RBFOX1: variants seen among roughly 807,000 people sequenced by gnomAD.
The protein encoded by RBFOX1 is RNA binding protein fox-1 homolog 1.
RBFOX1 carries 8 observed loss-of-function variants against 57.7 expected under a neutral mutation model. The observed-to-expected ratio is 0.14, with a 90% CI of 0.08 to 0.25. The LOEUF (loss-of-function observed/expected upper bound fraction) is 0.25, where lower values mean the gene tolerates loss of function less well. Among genes scored for constraint, RBFOX1 ranks in the 10% least tolerant of loss-of-function variants. The probability of loss-of-function intolerance (pLI) is 1.00; values close to 1 mark genes in which losing one functional copy is unlikely to be tolerated. For missense variants in RBFOX1, 611 were observed against 548.5 expected (o/e 1.11, Z -1.14); for synonymous variants, 326 against 222.4 (o/e 1.47, Z -4.15).
rs147845403 is a variant in RBFOX1 at position 6,982,569 on chromosome 16, C to G, written c.-15-69488C>G. On this transcript the variant is annotated intron_variant, in intron 3 of 15. Transcript: ENST00000550418. ...TGATGGAATCTCCCTGTTAGTAGTT[C>G]CAAATCATAGTTACCATGAGTTGAA... Among the ~76,000 whole-genome samples the G allele has an allele frequency of 2.5e-3, 377 of 152,290 alleles. 1 individual carries two copies. Among genetic ancestry groups the G allele is most frequent in the Non-Finnish European group, 3.8e-3 (259 of 68,028 alleles).
intron 14 of RBFOX1, among the ~76,000 whole-genome samples, chr16:7,688,379 A>C (rs1344130896): frequency 6.6e-6 from 1 of 152,008 alleles, no homozygotes; most frequent in Non-Finnish European, 1.5e-5. Flanking sequence ...CAGAATTAAG[A>C]AGCCAAATAA....
chr16:5,890,322 C>G (rs1479177837), intron 4 of RBFOX1, among the ~76,000 whole-genome samples: 1 of 152,200 alleles, frequency 6.6e-6, no homozygotes, highest in Admixed American at 6.5e-5. Flanking sequence ...ACCCTCCCCA[C>G]CACGTAGTGA....
At chr16:7,079,342 A>G (rs1023263856) in intron 4 of RBFOX1, among the ~76,000 whole-genome samples, 3 of 152,126 alleles carry the variant, frequency 2.0e-5, no homozygotes, top group Non-Finnish European at 4.4e-5. Context: ...TTCCTAAAAG[A>G]AGGGGAGCAG....
intron 4 of RBFOX1, among the ~76,000 whole-genome samples, chr16:7,420,294 C>A (rs565850502): frequency 6.6e-6 from 1 of 152,086 alleles, no homozygotes; most frequent in Non-Finnish European, 1.5e-5. Context: ...GCCCTTGCCT[C>A]CCAAACATGA....
intron 4 of RBFOX1, among the ~76,000 whole-genome samples, chr16:7,265,997 G>T (rs1163267599): frequency 7.8e-6 from 1 of 128,288 alleles, no homozygotes; most frequent in Non-Finnish European, 1.6e-5. Context: ...TTTTCTGAGA[G>T]GGAGTCTTGC....
chr16:6,960,170 C>A lies in RBFOX1; in HGVS notation c.-15-91887C>A, dbSNP rs118169364. On this transcript the variant is annotated intron_variant, in intron 3 of 15. Transcript: ENST00000550418. Reference sequence around the variant, plus strand: ...TTTTTGGGTTTCTAAAGGAACTCCCCACACCTCCATGATTTAGCAGGAGAC... The same window carrying A: ...TTTTTGGGTTTCTAAAGGAACTCCCAACACCTCCATGATTTAGCAGGAGAC... Among the ~76,000 whole-genome samples, 203 of 152,190 alleles carry A rather than the reference C, an allele frequency of 1.3e-3. 4 individuals carry two copies. The East Asian group carries it at 0.034, about 25-fold the overall frequency.
chr16:7,657,007 C>G (rs758793094), intron 12 of RBFOX1, among the ~76,000 whole-genome samples: 5 of 152,146 alleles, frequency 3.3e-5, no homozygotes, highest in Non-Finnish European at 5.9e-5. Flanking sequence ...ACCTAACAAA[C>G]TACATTTAAG....
intron 1 of RBFOX1, among the ~76,000 whole-genome samples, chr16:6,045,866 A>G (rs2095490037): frequency 6.6e-6 from 1 of 152,194 alleles, no homozygotes; most frequent in African/African-American, 2.4e-5. Flanking sequence ...ACAAAACCCC[A>G]GGGAAAGACC....
At chr16:6,858,616 C>G (rs556394899) in intron 3 of RBFOX1, among the ~76,000 whole-genome samples, 2 of 152,078 alleles carry the variant, frequency 1.3e-5, no homozygotes, top group East Asian at 3.9e-4. Context: ...ATGTGAGACT[C>G]AGACGATTTC....
At chr16:6,506,858 G>T (rs147956042) in intron 2 of RBFOX1, among the ~76,000 whole-genome samples, 1 of 152,060 alleles carries the variant, frequency 6.6e-6, no homozygotes, top group Non-Finnish European at 1.5e-5. Context: ...ATGTTGGCCA[G>T]GCTGGTCTCA....
At chr16:7,023,240 G>C (rs2039840318) in intron 3 of RBFOX1, among the ~76,000 whole-genome samples, 1 of 151,962 alleles carries the variant, frequency 6.6e-6, no homozygotes, top group Non-Finnish European at 1.5e-5. Flanking sequence ...ACTTTGGGAG[G>C]CCAAGGCGGG....
intron 3 of RBFOX1, among the ~76,000 whole-genome samples, chr16:6,660,683 T>A (rs1448369564): frequency 6.6e-6 from 1 of 152,218 alleles, no homozygotes; most frequent in African/African-American, 2.4e-5. Context: ...AATATTGGCT[T>A]GAGAAATTCA....
intron 1 of RBFOX1, among the ~76,000 whole-genome samples, chr16:6,245,095 C>T (rs573352945): frequency 6.6e-6 from 1 of 152,246 alleles, no homozygotes; most frequent in South Asian, 2.1e-4. Flanking sequence ...CCCTGGGATG[C>T]AGAACATTGC....
chr16:7,626,745 C>T (rs909052875), intron 10 of RBFOX1, among the ~76,000 whole-genome samples: 1 of 151,964 alleles, frequency 6.6e-6, no homozygotes. Flanking sequence ...AATTTCCTGC[C>T]ATGAACAGGC....
At chr16:7,363,847 G>T (rs1267660505) in intron 4 of RBFOX1, among the ~76,000 whole-genome samples, 1 of 152,124 alleles carries the variant, frequency 6.6e-6, no homozygotes, top group Non-Finnish European at 1.5e-5. Flanking sequence ...TTATTATCTG[G>T]GTGGAGGGGG....
chr16:5,390,253 A>C (rs1021732876), intron 1 of RBFOX1, among the ~76,000 whole-genome samples: 7 of 151,354 alleles, frequency 4.6e-5, no homozygotes, highest in Middle Eastern at 6.9e-3. Context: ...ATGTATGTAA[A>C]ATATAGTATG....
chr16:5,692,878 A>T (rs1260711057), intron 3 of RBFOX1, among the ~76,000 whole-genome samples: 8 of 152,358 alleles, frequency 5.3e-5, no homozygotes, highest in African/African-American at 1.9e-4. Flanking sequence ...ACAAAGAGGT[A>T]TCAAAGGTGA....
intron 3 of RBFOX1, among the ~76,000 whole-genome samples, chr16:6,941,464 C>A (rs1365436151): frequency 6.6e-6 from 1 of 151,864 alleles, no homozygotes; most frequent in Non-Finnish European, 1.5e-5. Context: ...CTCTAACATA[C>A]TGTAAAAGTG....
intron 1 of RBFOX1, among the ~76,000 whole-genome samples, chr16:5,425,637 A>G (rs2067536604): frequency 6.6e-6 from 1 of 152,178 alleles, no homozygotes; most frequent in East Asian, 1.9e-4. Flanking sequence ...GAATACGGGA[A>G]ATAAGTCTGG....
Sources: allele counts gnomAD v4.1 joint callset (sites outside exome capture counted in the v4.1 genomes callset), GRCh38; gene constraint gnomAD v4.1.1; transcripts MANE v1.5; gene names NCBI Gene and HGNC (gene_info 2026-07-23, HGNC 2026-07-21).